Variants in PLPP4 observed in about 807,000 individuals in gnomAD.
PLPP4 encodes the protein diacylglycerol pyrophosphate like 2.
In PLPP4, 20 loss-of-function variants were observed where a neutral mutation model predicts 32.2. The observed-to-expected ratio is 0.62, with a 90% CI of 0.44 to 0.90. The LOEUF (loss-of-function observed/expected upper bound fraction) is 0.90, where lower values mean the gene tolerates loss of function less well. Among genes scored for constraint, PLPP4 ranks in the 40% least tolerant of loss-of-function variants. The pLI is 0.00. For synonymous variants in PLPP4, 127 were observed against 133.0 expected, an observed-to-expected ratio of 0.95 and a Z score of 0.31; for missense variants, 257 against 353.1, an observed-to-expected ratio of 0.73 and a Z score of 2.18.
chr10:120,488,985 C>G lies in PLPP4; in HGVS notation c.57-14833C>G, dbSNP rs114200822. Reference sequence around the variant, plus strand: ...GTTTGAGATAAGATGTAAGAAGTGTCTAGCAGCTTCTTGGCAGGTAAGAAG... The same window carrying G: ...GTTTGAGATAAGATGTAAGAAGTGTGTAGCAGCTTCTTGGCAGGTAAGAAG... On this transcript the variant is annotated intron_variant, in intron 1 of 6. Coordinates refer to ENST00000398250, the MANE Select transcript of PLPP4 (RefSeq NM_001030059.3). Among the ~76,000 whole-genome samples, 683 of 152,326 alleles carry G rather than the reference C, an allele frequency of 4.5e-3. 4 individuals are homozygous for G. The highest frequency in any genetic ancestry group is 0.015 in the African/African-American group (630 of 41,564).
At chr10:120,464,954 T>C (rs953389438) in intron 1 of PLPP4, among the ~76,000 whole-genome samples, 2 of 152,138 alleles carry the variant, frequency 1.3e-5, no homozygotes, top group African/African-American at 4.8e-5. Context: ...GTAAAATGAG[T>C]TGGCTGTACC....
At chr10:120,525,882 A>G (rs968629720) in intron 5 of PLPP4, among the ~76,000 whole-genome samples, 3 of 152,056 alleles carry the variant, frequency 2.0e-5, no homozygotes, top group African/African-American at 7.2e-5. Context: ...TAAAGTCCAC[A>G]ATGATGTACC....
intron 1 of PLPP4, among the ~76,000 whole-genome samples, chr10:120,475,232 C>CT (rs568492998): frequency 0.011 from 1,531 of 142,634 alleles, 4 homozygotes; most frequent in African/African-American, 0.013. Flanking sequence ...CCATTCCCTT[C>CT]TTTTTTTTTT....
At chr10:120,548,193 A>G (rs1209781781) in intron 5 of PLPP4, among the ~76,000 whole-genome samples, 1 of 152,006 alleles carries the variant, frequency 6.6e-6, no homozygotes, top group Non-Finnish European at 1.5e-5. Flanking sequence ...TAAGCATAGT[A>G]CTCAATAGGT....
At chr10:120,577,364 C>T (rs560147275) in intron 6 of PLPP4, among the ~76,000 whole-genome samples, 51 of 152,314 alleles carry the variant, frequency 3.3e-4, no homozygotes, top group Non-Finnish European at 6.3e-4. Flanking sequence ...GCTGGCCTGT[C>T]TTCAGCACTC....
chr10:120,574,154 ACACACACACACACACTCTCTCTCT>A (rs1753643924), intron 5 of PLPP4, among the ~76,000 whole-genome samples: 2 of 119,936 alleles, frequency 1.7e-5, no homozygotes, highest in African/African-American at 7.4e-5. Context: ...ACACACACAC[ACACACACACACACACTCTCTCTCT>A]CTCTCTCTCT....
At chr10:120,462,964 A>G (rs1242903714) in intron 1 of PLPP4, among the ~76,000 whole-genome samples, 2 of 150,266 alleles carry the variant, frequency 1.3e-5, no homozygotes, top group Non-Finnish European at 1.5e-5. Context: ...AGTCCTTTCT[A>G]TGTAATGAAT....
intron 5 of PLPP4, among the ~76,000 whole-genome samples, chr10:120,555,098 G>A (rs968930364): frequency 6.6e-5 from 10 of 151,972 alleles, no homozygotes; most frequent in African/African-American, 2.4e-4. Flanking sequence ...GGGGGGTGGG[G>A]GTGGAAGAGA....
At chr10:120,525,044 C>T (rs914423802) in intron 5 of PLPP4, among the ~76,000 whole-genome samples, 3 of 152,162 alleles carry the variant, frequency 2.0e-5, no homozygotes, top group South Asian at 2.1e-4. Context: ...CAGGTGTCAG[C>T]GAATGACAGC....
intron 5 of PLPP4, among the ~76,000 whole-genome samples, chr10:120,536,671 C>CAAAAAAAAAAA (rs35552215): frequency 8.0e-6 from 1 of 124,730 alleles, no homozygotes; most frequent in Non-Finnish European, 1.7e-5. Context: ...AAAGCACAGG[C>CAAAAAAAAAAA]AAAAAAAAAA....
At chr10:120,474,567 A>G (rs2133801554) in intron 1 of PLPP4, among the ~76,000 whole-genome samples, 1 of 152,326 alleles carries the variant, frequency 6.6e-6, no homozygotes, top group South Asian at 2.1e-4. Flanking sequence ...GGACCAATAA[A>G]AAATCTTCAG....
intron 3 of PLPP4, among the ~76,000 whole-genome samples, chr10:120,518,268 C>A (rs185313804): frequency 3.7e-4 from 57 of 152,260 alleles, no homozygotes; most frequent in African/African-American, 1.3e-3. Flanking sequence ...CCCGGGCAGA[C>A]CTTCTCCAAA....
intron 1 of PLPP4, among the ~76,000 whole-genome samples, chr10:120,460,998 G>T (rs1411873061): frequency 6.6e-6 from 1 of 152,124 alleles, no homozygotes; most frequent in Non-Finnish European, 1.5e-5. Flanking sequence ...CTTCCAGACT[G>T]GTGCTAAACT....
At chr10:120,562,525 C>A (rs1848482840) in intron 5 of PLPP4, among the ~76,000 whole-genome samples, 1 of 152,150 alleles carries the variant, frequency 6.6e-6, no homozygotes, top group East Asian at 1.9e-4. Flanking sequence ...TAAGGGAATG[C>A]TTTAAACGTC....
At chr10:120,539,501 G>A (rs576835069) in intron 5 of PLPP4, among the ~76,000 whole-genome samples, 27 of 152,284 alleles carry the variant, frequency 1.8e-4, no homozygotes, top group Non-Finnish European at 3.7e-4. Flanking sequence ...GGATTTGAAA[G>A]ACTAACATGA....
Position 120,493,200 on chromosome 10 carries a change from G to A in PLPP4, c.57-10618G>A, listed in dbSNP as rs113237345. ...CATATGTTTCATTTTTGATTGTTTT[G>A]TCTCTTCGGGCTCTTGTAATCTGGA... On this transcript the variant is annotated intron_variant, in intron 1 of 6. Transcript: ENST00000398250. Among the ~76,000 whole-genome samples the A allele has an allele frequency of 2.8e-3, 429 of 152,230 alleles. 2 individuals carry two copies. Among genetic ancestry groups the A allele is most frequent in the African/African-American group, 9.8e-3 (409 of 41,548 alleles).
At chr10:120,492,513 G>A (rs550325948) in intron 1 of PLPP4, among the ~76,000 whole-genome samples, 114 of 152,328 alleles carry the variant, frequency 7.5e-4, no homozygotes, top group African/African-American at 2.6e-3. Flanking sequence ...GCACAGAACA[G>A]CCTGGCTCTT....
At chr10:120,567,864 G>C (rs575528137) in intron 5 of PLPP4, among the ~76,000 whole-genome samples, 2 of 152,196 alleles carry the variant, frequency 1.3e-5, no homozygotes, top group African/African-American at 2.4e-5. Flanking sequence ...GTAATGGAAA[G>C]ACAGACTTTG....
chr10:120,483,905 A>G (rs979771857), intron 1 of PLPP4, among the ~76,000 whole-genome samples: 3 of 152,204 alleles, frequency 2.0e-5, no homozygotes, highest in African/African-American at 7.2e-5. Flanking sequence ...CATTCCAGCC[A>G]TTAGAATTCT....
Sources: allele counts gnomAD v4.1 joint callset (sites outside exome capture counted in the v4.1 genomes callset), GRCh38; gene constraint gnomAD v4.1.1; transcripts MANE v1.5; gene names NCBI Gene and HGNC (gene_info 2026-07-23, HGNC 2026-07-21).